Variants in DNMBP observed in about 807,000 individuals in gnomAD.
The protein encoded by DNMBP is dynamin-binding protein.
A neutral mutation model predicts 150.0 loss-of-function variants in DNMBP; 87 were observed. The observed-to-expected ratio is 0.58, with a 90% CI of 0.49 to 0.69. DNMBP has a LOEUF of 0.69. Among genes scored for constraint, DNMBP ranks in the 30% least tolerant of loss-of-function variants. The pLI, the probability that DNMBP is intolerant of heterozygous loss-of-function variation, is 0.00. For missense variants in DNMBP, 1,774 were observed against 1,949.0 expected (o/e 0.91, Z 1.69); for synonymous variants, 711 against 750.4 (o/e 0.95, Z 0.86).
At position 99,967,668 on chromosome 10, in the gene DNMBP, GGTGT is replaced by G. The variant is rs140839578; in HGVS notation, c.268+1443_268+1446del. Among the ~76,000 whole-genome samples, 876 of 145,620 alleles carry G rather than the reference GGTGT, an allele frequency of 6.0e-3. 2 individuals are homozygous for G. The highest frequency in any genetic ancestry group is 9.8e-3 in the African/African-American group (380 of 38,858). On this transcript the variant is annotated intron_variant, in intron 3 of 16. Coordinates refer to ENST00000324109, the MANE Select transcript of DNMBP (RefSeq NM_015221.4). ...TAGAGAAGTTTGATAGGTTTTTCTG[GGTGT>G]GTGTGTGTGTGTGTGTGTGTGTGTG...
intron 3 of DNMBP, among the ~76,000 whole-genome samples, chr10:99,963,882 C>A (rs551194215): frequency 1.3e-5 from 2 of 151,936 alleles, no homozygotes; most frequent in African/African-American, 2.4e-5. Flanking sequence ...GGTTTCCATA[C>A]GAGCCATGTC....
In DNMBP at chr10:99,875,842, A is replaced by C. The variant is rs1025189748; in HGVS notation, c.*1309T>G. On this transcript the variant is annotated 3_prime_UTR_variant, in exon 17 of 17. Coordinates refer to ENST00000324109, the MANE Select transcript of DNMBP (RefSeq NM_015221.4). ...TTTCCCATTCCAAGATAGGCTTCAT[A>C]GCTGGGGAAGATCTTAAGATTCTTG... The C allele has an allele frequency of 1.3e-5, 2 of 152,222 alleles. No homozygotes were observed. The highest frequency in any genetic ancestry group is 4.8e-5 in the African/African-American group (2 of 41,454). The allele number at this position is 152,222 out of a possible 1,614,324, so 9.4% of individuals were successfully genotyped here. A position where few individuals can be genotyped will look rare whatever the true frequency, so the allele number is the denominator to read the frequency against.
rs556821754 is a variant in DNMBP at position 99,955,945 on chromosome 10, T to G, written c.1529A>C (p.His510Pro). 6.2e-7 allele frequency: 1 copy of G among 1,614,198 alleles called. No individual in the cohort carries two copies. Among genetic ancestry groups the G allele is most frequent in the East Asian group, 2.2e-5 (1 of 44,872 alleles). The change falls in exon 4 of 17, where the codon CAC becomes CCC. Residue 510 changes from histidine (H) to proline (P), a missense_variant. By Grantham distance (77) the His-to-Pro change is moderately conservative. Around this residue, in one of 2 missense-constraint regions of DNMBP, gnomAD observed 1,430 missense variants for 1,492.5 expected, o/e 0.96. Transcript: ENST00000324109. ...HNLASYTKKH[H>P]TSSVYSISER... is the part of the protein sequence containing the mutation. ...TGAGATGGAGTAAACACTGGACGTG[T>G]GGTGCTTTTTAGTATAACTTGCTAG...
chr10:99,962,630 CA>C (rs575912102), intron 3 of DNMBP, among the ~76,000 whole-genome samples: 12 of 143,256 alleles, frequency 8.4e-5, no homozygotes, highest in Non-Finnish European at 7.7e-5. Context: ...GACTCCGTCT[CA>C]AAAAAAAAAA....
chr10:99,990,002 A>G (rs2040868656), intron 1 of DNMBP, among the ~76,000 whole-genome samples: 1 of 152,186 alleles, frequency 6.6e-6, no homozygotes, highest in African/African-American at 2.4e-5. Context: ...ACTGATGTCA[A>G]TCAAGCACCT....
At chr10:99,967,097 C>A (rs1046898973) in intron 3 of DNMBP, among the ~76,000 whole-genome samples, 5 of 151,958 alleles carry the variant, frequency 3.3e-5, no homozygotes, top group Non-Finnish European at 7.4e-5. Context: ...TATACCCAGC[C>A]TCTTATCAAT....
chr10:99,927,505 T>G (rs986438448), intron 4 of DNMBP, among the ~76,000 whole-genome samples: 3 of 152,194 alleles, frequency 2.0e-5, no homozygotes, highest in Non-Finnish European at 4.4e-5. Context: ...GGCCATTTAG[T>G]AAATGGTGGA....
Position 99,955,228 on chromosome 10 carries a change from A to T in DNMBP, c.2246T>A (p.Leu749His), listed in dbSNP as rs1302510172. 1.2e-6 allele frequency: 2 copies of T among 1,612,656 alleles called. No individual in the cohort carries two copies. Among genetic ancestry groups the T allele is most frequent in the Non-Finnish European group, 1.7e-6 (2 of 1,178,984 alleles). The stretch of plus-strand genomic sequence containing the variant: ...TCGTCACTTACCTCTTAGTTGCTGG[A>T]GTTCCATATTCAAACTTTCAATGTT... ...ESNIESLNME[L>H]QQLREMTLLS... Residue 749 changes from leucine to histidine, a missense_variant, in exon 4 of 17, where the codon CTC becomes CAC. By Grantham distance (99) the Leu-to-His change is moderately conservative (BLOSUM62 -3). Around this residue, in one of 2 missense-constraint regions of DNMBP, gnomAD observed 1,430 missense variants for 1,492.5 expected, o/e 0.96. Coordinates refer to ENST00000324109, the MANE Select transcript of DNMBP (RefSeq NM_015221.4).
At chr10:99,914,619 T>C (rs969457882) in intron 4 of DNMBP, among the ~76,000 whole-genome samples, 1 of 152,106 alleles carries the variant, frequency 6.6e-6, no homozygotes, top group Admixed American at 6.6e-5. Flanking sequence ...TCACAGGAAC[T>C]GGGAGTCCCG....
At position 99,898,777 on chromosome 10, in the gene DNMBP, A is replaced by G. The variant is rs759207392; in HGVS notation, c.2703-17T>C. 1 of 1,612,260 alleles carries G rather than the reference A, an allele frequency of 6.2e-7. No homozygotes were observed. The highest frequency in any genetic ancestry group is 1.1e-5 in the South Asian group (1 of 90,984). ...TATAGGCTCCTGCAAGGCAGTGGGC[A>G]TGAAAAGAAAAGAGACAGTTTATTA... On this transcript the variant is annotated splice_polypyrimidine_tract_variant and intron_variant, in intron 7 of 16. Coordinates refer to ENST00000324109, the MANE Select transcript of DNMBP (RefSeq NM_015221.4).
At chr10:99,912,688 C>CCTATTT (rs1167714573) in intron 4 of DNMBP, among the ~76,000 whole-genome samples, 1 of 152,144 alleles carries the variant, frequency 6.6e-6, no homozygotes, top group Non-Finnish European at 1.5e-5. Flanking sequence ...TTCCTTCCCT[C>CCTATTT]CTCTTTCTCT....
intron 1 of DNMBP, among the ~76,000 whole-genome samples, chr10:99,992,454 G>C (rs1256912832): frequency 3.3e-5 from 5 of 151,920 alleles, no homozygotes; most frequent in Non-Finnish European, 7.4e-5. Context: ...GAACCTGGCT[G>C]GGTAAAGTGG....
In DNMBP at chr10:99,893,787, T is replaced by C. The variant is rs529632523; in HGVS notation, c.3156+1159A>G. ...ACATCACTTCTGAAATTTGATTAAG[T>C]GTGAAACCCAAGATGCTAGTGTATC... On this transcript the variant is annotated intron_variant, in intron 11 of 16. Coordinates refer to ENST00000324109, the MANE Select transcript of DNMBP (RefSeq NM_015221.4). Among the ~76,000 whole-genome samples, 5 of 152,174 alleles carry C rather than the reference T, an allele frequency of 3.3e-5. No individual in the cohort carries two copies. In the East Asian group the frequency reaches 9.7e-4, roughly 29 times the overall value.
chr10:99,890,642 C>T (rs959418548), intron 11 of DNMBP, among the ~76,000 whole-genome samples: 1 of 152,018 alleles, frequency 6.6e-6, no homozygotes, highest in African/African-American at 2.4e-5. Context: ...CAGTAGCTGC[C>T]CCAATTGTGT....
At chr10:99,959,122 C>T (rs190237993) in intron 3 of DNMBP, among the ~76,000 whole-genome samples, 2 of 152,160 alleles carry the variant, frequency 1.3e-5, no homozygotes, top group East Asian at 3.9e-4. Context: ...AAAATATTTA[C>T]GAACATGTAA....
At chr10:99,915,737 T>C (rs2039958862) in intron 4 of DNMBP, among the ~76,000 whole-genome samples, 1 of 152,088 alleles carries the variant, frequency 6.6e-6, no homozygotes, top group Non-Finnish European at 1.5e-5. Flanking sequence ...AAACAAATAT[T>C]TATATGGCAC....
chr10:99,878,631 C>T (rs1449034789), intron 16 of DNMBP, among the ~76,000 whole-genome samples: 1 of 152,160 alleles, frequency 6.6e-6, no homozygotes, highest in Admixed American at 6.5e-5. Flanking sequence ...AGAATCCAGA[C>T]AGTGGCAGAG....
chr10:99,921,744 A>G (rs892156565), intron 4 of DNMBP, among the ~76,000 whole-genome samples: 7 of 151,494 alleles, frequency 4.6e-5, no homozygotes, highest in Non-Finnish European at 1.0e-4. Context: ...ACATGCCTAT[A>G]GTCCCAGCTA....
intron 4 of DNMBP, among the ~76,000 whole-genome samples, chr10:99,939,171 C>T (rs1293542669): frequency 6.6e-6 from 1 of 152,096 alleles, no homozygotes; most frequent in Non-Finnish European, 1.5e-5. Context: ...TTGTGGATTC[C>T]TCTGTGACTG....
Sources: allele counts gnomAD v4.1 joint callset (sites outside exome capture counted in the v4.1 genomes callset), GRCh38; gene constraint gnomAD v4.1.1; regional missense constraint gnomAD v4.1.1; transcripts MANE v1.5; gene names NCBI Gene and HGNC (gene_info 2026-07-23, HGNC 2026-07-21).